Variants in ASAP1 observed in about 807,000 individuals in gnomAD.
ASAP1 encodes arf-GAP with SH3 domain, ANK repeat and PH domain-containing protein 1.
ASAP1 carries 43 observed loss-of-function variants against 145.2 expected under a neutral mutation model. That is an observed-to-expected ratio of 0.30 (90% confidence interval 0.23 to 0.38). The LOEUF is 0.38. Among genes scored for constraint, ASAP1 ranks in the 10% least tolerant of loss-of-function variants. The pLI is 1.00. For missense variants in ASAP1, 1,018 were observed against 1,355.3 expected (o/e 0.75, Z 3.91); for synonymous variants, 546 against 515.5 (o/e 1.06, Z -0.80).
chr8:130,256,760 T>TCC (rs1331406587), intron 3 of ASAP1, among the ~76,000 whole-genome samples: 2 of 95,478 alleles, frequency 2.1e-5, no homozygotes, highest in African/African-American at 7.4e-5. Flanking sequence ...TATATATATA[T>TCC]ATATATATAT....
intron 23 of ASAP1, 99 bp from the exon 24 acceptor site, chr8:130,112,421 C>T: frequency 1.1e-6 from 1 of 940,354 alleles, no homozygotes; most frequent in South Asian, 1.7e-5. Context: ...ATCTGGGTTC[C>T]TGTGGCTCTC....
intron 3 of ASAP1, among the ~76,000 whole-genome samples, chr8:130,318,843 A>G (rs1823828972): frequency 6.6e-6 from 1 of 152,172 alleles, no homozygotes; most frequent in East Asian, 1.9e-4. Context: ...GGAGTGGCCA[A>G]TGGAAAAAAA....
rs566097912 is a variant in ASAP1 at position 130,438,977 on chromosome 8, T to C, written c.-28+4483A>G. 4.6e-5 allele frequency among the ~76,000 whole-genome samples: 7 copies of C among 152,356 alleles called. No homozygotes were observed. The South Asian group carries it at 1.2e-3, about 27-fold the overall frequency. ...TGGGAACACATTAGGTTCCATGAGT[T>C]ACATGGCAATGGAAAATGAAGGTTG... On this transcript the variant is annotated intron_variant, in intron 1 of 29. Transcript: ENST00000518721.
At chr8:130,289,079 G>C (rs1214692148) in intron 3 of ASAP1, among the ~76,000 whole-genome samples, 2 of 152,126 alleles carry the variant, frequency 1.3e-5, no homozygotes, top group African/African-American at 4.8e-5. Context: ...CCAGGTACTC[G>C]GGAAGCTGAG....
At chr8:130,178,488 T>C (rs1814120285) in intron 9 of ASAP1, among the ~76,000 whole-genome samples, 2 of 152,216 alleles carry the variant, frequency 1.3e-5, no homozygotes, top group East Asian at 1.9e-4. Context: ...TGTAGAACAA[T>C]GGTATTTCTC....
At chr8:130,106,735 T>C (rs989011307) in intron 24 of ASAP1, among the ~76,000 whole-genome samples, 1 of 152,242 alleles carries the variant, frequency 6.6e-6, no homozygotes, top group Non-Finnish European at 1.5e-5. Flanking sequence ...ACAGCCCTTA[T>C]CCTTGAGGAG....
In ASAP1 at chr8:130,355,358, G is replaced by A. The variant is rs146018775; in HGVS notation, c.186+2659C>T. ...TAACAGTTTTTCAGTTGCGCTCTAT[G>A]TATGTGCATTAGTGATCTAAAGAGC... On this transcript the variant is annotated intron_variant, in intron 3 of 29. Transcript: ENST00000518721. Among the ~76,000 whole-genome samples the A allele has an allele frequency of 1.4e-3, 217 of 152,332 alleles. 1 individual carries two copies. Among genetic ancestry groups the A allele is most frequent in the South Asian group, 8.1e-3 (39 of 4,830 alleles).
At chr8:130,153,766 T>C (rs530661496) in intron 12 of ASAP1, among the ~76,000 whole-genome samples, 1 of 152,292 alleles carries the variant, frequency 6.6e-6, no homozygotes, top group East Asian at 1.9e-4. Flanking sequence ...AATGATATAA[T>C]AATAACTCCT....
At position 130,388,356 on chromosome 8, in the gene ASAP1, G is replaced by C. The variant is rs562942608; in HGVS notation, c.59+13529C>G. 1.2e-4 allele frequency among the ~76,000 whole-genome samples: 19 copies of C among 152,278 alleles called. No homozygotes were observed. The South Asian group carries it at 3.9e-3, about 32-fold the overall frequency. The stretch of plus-strand genomic sequence containing the variant: ...ATGGGCAGGGGTCTTGGAGATCAGC[G>C]GTGGCTGTAAGCAGGGGTGCAGCAT... On this transcript the variant is annotated intron_variant, in intron 2 of 29. Coordinates refer to ENST00000518721, the MANE Select transcript of ASAP1 (RefSeq NM_018482.4).
chr8:130,431,691 T>C (rs1830139056), intron 1 of ASAP1, among the ~76,000 whole-genome samples: 1 of 152,086 alleles, frequency 6.6e-6, no homozygotes, highest in Admixed American at 6.5e-5. Flanking sequence ...CTAAACATGC[T>C]GGCTCATAAT....
intron 3 of ASAP1, among the ~76,000 whole-genome samples, chr8:130,352,342 C>A (rs1826051076): frequency 2.0e-5 from 3 of 151,774 alleles, no homozygotes; most frequent in Admixed American, 1.3e-4. Context: ...AGAGGTAATG[C>A]ACTTGCATTC....
At chr8:130,408,699 C>T (rs965608807) in intron 1 of ASAP1, among the ~76,000 whole-genome samples, 4 of 152,270 alleles carry the variant, frequency 2.6e-5, no homozygotes, top group African/African-American at 7.2e-5. Flanking sequence ...CAGACCCCAT[C>T]CTAGGCACAT....
intron 2 of ASAP1, among the ~76,000 whole-genome samples, chr8:130,391,537 G>A (rs1485454016): frequency 3.3e-5 from 5 of 152,160 alleles, no homozygotes; most frequent in Non-Finnish European, 7.3e-5. Context: ...CAGTCCTCAT[G>A]GCTTTGAGAA....
At chr8:130,239,173 C>CAT (rs1818382134) in intron 3 of ASAP1, among the ~76,000 whole-genome samples, 1 of 152,018 alleles carries the variant, frequency 6.6e-6, no homozygotes, top group Non-Finnish European at 1.5e-5. Context: ...TGCTGCATGT[C>CAT]ATGCTTAAGG....
Position 130,106,331 on chromosome 8 carries a change from A to G in ASAP1, c.2401+5763T>C, listed in dbSNP as rs192099527. On this transcript the variant is annotated intron_variant, in intron 24 of 29. Coordinates refer to ENST00000518721, the MANE Select transcript of ASAP1 (RefSeq NM_018482.4). ...AAACTGTAAAGTCATCAATATATGA[A>G]TAACACCACTGATAGGAAAATATTT... Among the ~76,000 whole-genome samples the G allele has an allele frequency of 2.7e-3, 409 of 152,348 alleles. 4 individuals carry two copies. Among genetic ancestry groups the G allele is most frequent in the African/African-American group, 9.7e-3 (403 of 41,584 alleles).
chr8:130,364,398 T>C (rs1193888868), intron 2 of ASAP1, among the ~76,000 whole-genome samples: 1 of 152,226 alleles, frequency 6.6e-6, no homozygotes, highest in Admixed American at 6.5e-5. Context: ...GCAGCAACAA[T>C]ATAAAGCAGG....
Position 130,216,670 on chromosome 8 carries a change from C to T in ASAP1, c.260-1969G>A, listed in dbSNP as rs1047448355. Among the ~76,000 whole-genome samples, 9 of 152,230 alleles carry T rather than the reference C, an allele frequency of 5.9e-5. No individual in the cohort carries two copies. The Middle Eastern group carries it at 0.01, about 173-fold the overall frequency. On this transcript the variant is annotated intron_variant, in intron 4 of 29. Transcript: ENST00000518721. ...TTACTCTCTTGGGATCTCAGTCTTA[C>T]GGCTTTAAATACTTTCTATCAGCTG...
intron 2 of ASAP1, among the ~76,000 whole-genome samples, chr8:130,381,474 T>C (rs1381024322): frequency 6.6e-6 from 1 of 152,228 alleles, no homozygotes; most frequent in Non-Finnish European, 1.5e-5. Context: ...ACATCTCCAT[T>C]CAGACTAGCC....
Position 130,160,032 on chromosome 8 carries a change from C to T in ASAP1, c.910-68G>A, listed in dbSNP as rs888745856. 3.7e-6 allele frequency: 5 copies of T among 1,367,058 alleles called. No individual in the cohort carries two copies. In the African/African-American group the frequency reaches 7.1e-5, roughly 20 times the overall value. 84.7% of individuals were successfully genotyped at this position (1,367,058 alleles called of 1,614,324 possible). A position where few individuals can be genotyped will look rare whatever the true frequency, so the allele number is the denominator to read the frequency against. ...TTCTCCCATCTTTGATTCTATTCTG[C>T]CATTGAGCCTTTGGCACTGGTCTGG... On this transcript the variant is annotated intron_variant, in intron 11 of 29. Coordinates refer to ENST00000518721, the MANE Select transcript of ASAP1 (RefSeq NM_018482.4).
Sources: allele counts gnomAD v4.1 joint callset (sites outside exome capture counted in the v4.1 genomes callset), GRCh38; gene constraint gnomAD v4.1.1; transcripts MANE v1.5; gene names NCBI Gene and HGNC (gene_info 2026-07-23, HGNC 2026-07-21).